Variants in UGT1A7 observed in about 807,000 individuals in gnomAD.
UGT1A7 encodes UDP-glucuronosyltransferase 1A7.
UGT1A7 carries 33 observed loss-of-function variants against 45.6 expected under a neutral mutation model. That is an observed-to-expected ratio of 0.72 (90% CI 0.55 to 0.97). UGT1A7 has a LOEUF of 0.97. UGT1A7 is among the 50% of genes least tolerant of loss of function. UGT1A7 has a pLI of 0.00. For missense variants in UGT1A7, 684 were observed against 666.2 expected, an observed-to-expected ratio of 1.03 and a Z score of -0.29; for synonymous variants, 274 against 250.6, an observed-to-expected ratio of 1.09 and a Z score of -0.88.
chr2:233,767,779 A>G, intron 2 of UGT1A7, 70 bp from the exon 3 acceptor site: 1 of 1,612,962 alleles, frequency 6.2e-7, no homozygotes. Flanking sequence ...TTTTCTAGTT[A>G]GTATAGCAGA....
intron 1 of UGT1A7, among the ~76,000 whole-genome samples, chr2:233,764,782 C>A (rs1260988013): frequency 6.6e-6 from 1 of 152,064 alleles, no homozygotes; most frequent in Non-Finnish European, 1.5e-5. Flanking sequence ...TCAGAAAAAC[C>A]ATCCTCAGGG....
chr2:233,693,110 G>A (rs781199521), intron 1 of UGT1A7: 92 of 1,614,038 alleles, frequency 5.7e-5, no homozygotes, highest in African/African-American at 1.1e-4. Context: ...CCCTCAGGAC[G>A]GAAGCCACTG....
chr2:233,755,459 T>A (rs1367046072), intron 1 of UGT1A7: 1 of 283,420 alleles, frequency 3.5e-6, no homozygotes, highest in Non-Finnish European at 6.9e-6. Flanking sequence ...GGACTGGCCC[T>A]GCTCTCTGTG....
At chr2:233,757,312 G>C (rs1288195448) in intron 1 of UGT1A7, among the ~76,000 whole-genome samples, 2 of 141,204 alleles carry the variant, frequency 1.4e-5, no homozygotes, top group African/African-American at 2.7e-5. Flanking sequence ...GGACAGGGGG[G>C]CTGGGGCCCT....
Position 233,769,464 on chromosome 2 carries a change from CGTGTGTGT to C in UGT1A7, c.1295+1033_1295+1040del. 6.7e-7 allele frequency: 1 copy of C among 1,503,278 alleles called. No homozygotes were observed. The highest frequency in any genetic ancestry group is 9.1e-7 in the Non-Finnish European group (1 of 1,095,312). The allele number at this position is 1,503,278 out of a possible 1,614,324, so 93.1% of individuals were successfully genotyped here. A position where few individuals can be genotyped will look rare whatever the true frequency, so the allele number is the denominator to read the frequency against. Reference sequence around the variant, plus strand: ...GGGTGCACACGTGTGCATTCATATGCGTGTGTGTGTGTGTGCGTGTGTTTATGAGAGTG... The same window carrying C: ...GGGTGCACACGTGTGCATTCATATGCGTGTGTGCGTGTGTTTATGAGAGTG... On this transcript the variant is annotated intron_variant, in intron 4 of 4. Transcript: ENST00000373426. The surrounding 1 kb of genome is among the most constrained non-coding windows in gnomAD (Gnocchi z 4.4).
At chr2:233,765,919 C>T (rs1268265280) in intron 1 of UGT1A7, among the ~76,000 whole-genome samples, 1 of 152,104 alleles carries the variant, frequency 6.6e-6, no homozygotes, top group Non-Finnish European at 1.5e-5. Flanking sequence ...GGGGAGCATA[C>T]AGACGGGCAG....
intron 1 of UGT1A7, among the ~76,000 whole-genome samples, chr2:233,726,869 C>T (rs1231385710): frequency 3.3e-5 from 5 of 152,180 alleles, no homozygotes; most frequent in African/African-American, 9.7e-5. Flanking sequence ...CTTCTATTCT[C>T]CAGGCTTCAG....
At chr2:233,772,075 T>C (rs1032984731) in intron 4 of UGT1A7, among the ~76,000 whole-genome samples, 187 bp from the exon 5 acceptor site, 85 of 152,270 alleles carry the variant, frequency 5.6e-4, no homozygotes, top group Non-Finnish European at 1.0e-3. Flanking sequence ...CTTGTGCCAC[T>C]ACACTCCAGC....
At chr2:233,703,597 A>G (rs1345534938) in intron 1 of UGT1A7, among the ~76,000 whole-genome samples, 2 of 152,058 alleles carry the variant, frequency 1.3e-5, no homozygotes, top group African/African-American at 2.4e-5. Flanking sequence ...GCTTCATGAT[A>G]CTGTGTCATT....
chr2:233,691,333 C>G (rs1465686537), intron 1 of UGT1A7: 6 of 985,436 alleles, frequency 6.1e-6, no homozygotes, highest in Non-Finnish European at 7.2e-6. Flanking sequence ...TTGGACTGAG[C>G]TGAGTCTTCG....
chr2:233,728,185 C>T (rs1270906872), intron 1 of UGT1A7, among the ~76,000 whole-genome samples: 1 of 152,200 alleles, frequency 6.6e-6, no homozygotes, highest in African/African-American at 2.4e-5. Flanking sequence ...CTTATCAGAA[C>T]TTGGTGCTGG....
intron 1 of UGT1A7, among the ~76,000 whole-genome samples, chr2:233,714,030 C>T (rs141549280): frequency 1.3e-5 from 2 of 152,174 alleles, no homozygotes; most frequent in African/African-American, 4.8e-5. Context: ...AATGGTAGTG[C>T]AGTTCAGGGT....
chr2:233,694,895 A>G (rs2075247142), intron 1 of UGT1A7, among the ~76,000 whole-genome samples: 1 of 152,246 alleles, frequency 6.6e-6, no homozygotes, highest in Non-Finnish European at 1.5e-5. Flanking sequence ...TTCATGTGAT[A>G]TTTTGATACA....
chr2:233,712,953 C>T (rs759675918), intron 1 of UGT1A7: 31 of 1,612,662 alleles, frequency 1.9e-5, no homozygotes, highest in Middle Eastern at 2.0e-4. Context: ...GGAGGCACAA[C>T]GTGGGGTGGA....
intron 1 of UGT1A7, among the ~76,000 whole-genome samples, chr2:233,762,846 A>G (rs1269023335): frequency 6.6e-6 from 1 of 152,164 alleles, no homozygotes; most frequent in Non-Finnish European, 1.5e-5. Flanking sequence ...ATAGGCAGTC[A>G]TTTGCTGATA....
At chr2:233,731,419 A>G (rs768089383) in intron 1 of UGT1A7, among the ~76,000 whole-genome samples, 3 of 151,914 alleles carry the variant, frequency 2.0e-5, no homozygotes, top group Non-Finnish European at 4.4e-5. Flanking sequence ...ATTTTTCCTA[A>G]TGCCATCCCT....
intron 1 of UGT1A7, chr2:233,756,309 C>A (rs1335647268): frequency 7.9e-5 from 12 of 152,226 alleles, no homozygotes; most frequent in Non-Finnish European, 1.6e-4. Context: ...ATAACCTACC[C>A]ATATCCTCCT....
intron 1 of UGT1A7, among the ~76,000 whole-genome samples, chr2:233,752,104 T>G (rs2125914328): frequency 6.6e-6 from 1 of 152,238 alleles, no homozygotes; most frequent in East Asian, 1.9e-4. Flanking sequence ...GAAAGTAGAA[T>G]CAGAGGAGAA....
At chr2:233,738,236 C>A (rs1038259131) in intron 1 of UGT1A7, among the ~76,000 whole-genome samples, 4 of 152,220 alleles carry the variant, frequency 2.6e-5, no homozygotes, top group African/African-American at 4.8e-5. Flanking sequence ...GAGGCCCCTC[C>A]AGCCACATGG....
Sources: allele counts gnomAD v4.1 joint callset (sites outside exome capture counted in the v4.1 genomes callset), GRCh38; gene constraint gnomAD v4.1.1; non-coding constraint Gnocchi (gnomAD v3.1); transcripts MANE v1.5; gene names NCBI Gene and HGNC (gene_info 2026-07-23, HGNC 2026-07-21).